RNF19B: variants seen among roughly 807,000 people sequenced by gnomAD.
The protein encoded by RNF19B is ring finger protein 19B, also known as E3 ubiquitin-protein ligase RNF19B.
In RNF19B, 23 loss-of-function variants were observed where a neutral mutation model predicts 65.5. That is an observed-to-expected ratio of 0.35 (90% CI 0.25 to 0.50). RNF19B has a LOEUF of 0.50. Ranked by LOEUF, RNF19B falls within the 20% of genes least tolerant of loss-of-function variation. The probability of loss-of-function intolerance (pLI) is 0.98; values close to 1 mark genes in which losing one functional copy is unlikely to be tolerated. For synonymous variants in RNF19B, 372 were observed against 379.6 expected (o/e 0.98, Z 0.23); for missense variants, 794 against 980.0 (o/e 0.81, Z 2.53).
intron 1 of RNF19B, 142 bp downstream of exon 1, chr1:32,963,899 ACTAGTCTGGG>A: frequency 1.6e-6 from 2 of 1,269,612 alleles, no homozygotes; most frequent in Non-Finnish European, 2.0e-6. Flanking sequence ...CGTTCACACC[ACTAGTCTGGG>A]CTTGCCTGAT....
At position 32,964,642 on chromosome 1, in the gene RNF19B, A is replaced by G; in HGVS notation, c.44T>C (p.Leu15Pro). 6.8e-7 allele frequency: 1 copy of G among 1,473,732 alleles called. No individual in the cohort carries two copies. Among genetic ancestry groups the G allele is most frequent in the Non-Finnish European group, 9.0e-7 (1 of 1,116,520 alleles). The allele number at this position is 1,473,732 out of a possible 1,614,324, so 91.3% of individuals were successfully genotyped here. A position where few individuals can be genotyped will look rare whatever the true frequency, so the allele number is the denominator to read the frequency against. The change falls in exon 1 of 9, where the codon CTA (leucine) becomes CCA (proline). Residue 15 changes from leucine (L) to proline (P), a missense_variant. This residue lies in a region of RNF19B where 374 missense variants were observed against 423.8 expected (regional missense o/e 0.88). Transcript: ENST00000235150. The surrounding 1 kb of genome is among the most constrained non-coding windows in gnomAD (Gnocchi z 6.5). ...KDSESPRSTS[L>P]HAAAPDPKCR... is the part of the protein sequence containing the mutation. ...CTTAGGGTCGGGTGCGGCCGCATGT[A>G]GCGATGTGGAGCGCGGCGACTCGGA...
At chr1:32,957,168 G>A (rs995080440) in intron 1 of RNF19B, among the ~76,000 whole-genome samples, 46 of 152,146 alleles carry the variant, frequency 3.0e-4, no homozygotes, top group African/African-American at 1.1e-3. Context: ...CACGTTTTCA[G>A]GTTGATCTCT....
At chr1:32,947,325 ATT>A (rs1557572238) in intron 3 of RNF19B, among the ~76,000 whole-genome samples, 1 of 152,232 alleles carries the variant, frequency 6.6e-6, no homozygotes, top group African/African-American at 2.4e-5. Context: ...ATTAGCAAAC[ATT>A]TTGTTTGTAA....
chr1:32,929,083 AGTCCT>A, the RNF19B span, among the ~76,000 whole-genome samples: 1 of 152,160 alleles, frequency 6.6e-6, no homozygotes, highest in Non-Finnish European at 1.5e-5. Flanking sequence ...GGAAGCTAGA[AGTCCT>A]AGATTTTGGC....
In RNF19B at chr1:32,949,587, C is replaced by A. The variant is rs1642441480; in HGVS notation, c.823G>T (p.Gly275Trp). The A allele has an allele frequency of 6.2e-7, 1 of 1,613,994 alleles. No individual in the cohort carries two copies. Among genetic ancestry groups the A allele is most frequent in the Non-Finnish European group, 8.5e-7 (1 of 1,180,010 alleles). Residue 275 changes from glycine (G) to tryptophan (W), a missense_variant, in exon 2 of 9, where the codon GGG becomes TGG. By Grantham distance (184) the Gly-to-Trp change is radical (BLOSUM62 -2). Coordinates refer to ENST00000235150, the MANE Select transcript of RNF19B (RefSeq NM_001300826.2). ...CTTATACCTGGTCCAGATTCTTGCC[C>A]ATAACTGAGACCTGAAGTGTGTTTG... ...RTKHTSGLSYGQESGPDDIKP... is the reference protein window; with the variant it reads ...RTKHTSGLSYWQESGPDDIKP...
chr1:32,936,063 T>G (rs1351330602), downstream of RNF19B, among the ~76,000 whole-genome samples: 1 of 152,194 alleles, frequency 6.6e-6, no homozygotes, highest in Non-Finnish European at 1.5e-5. Context: ...AGAATTCTCT[T>G]AAGAGCTACC....
chr1:32,938,574 C>A, intron 7 of RNF19B, 46 bp from the exon 8 acceptor site: 1 of 1,587,734 alleles, frequency 6.3e-7, no homozygotes, highest in Non-Finnish European at 8.6e-7. Flanking sequence ...CCTGGGTATT[C>A]CAAGACAGTC....
intron 5 of RNF19B, among the ~76,000 whole-genome samples, chr1:32,945,297 G>GT (rs1642340399): frequency 6.6e-6 from 1 of 152,178 alleles, no homozygotes; most frequent in African/African-American, 2.4e-5. Flanking sequence ...GCCAAATGGA[G>GT]TTCTAGGCAC....
At chr1:32,943,494 T>A (rs1642288643) in intron 6 of RNF19B, among the ~76,000 whole-genome samples, 1 of 151,838 alleles carries the variant, frequency 6.6e-6, no homozygotes, top group South Asian at 2.1e-4. Context: ...CACGTTGCTG[T>A]AGTCCCAGCT....
At chr1:32,950,819 G>A (rs961090731) in intron 1 of RNF19B, among the ~76,000 whole-genome samples, 2 of 151,502 alleles carry the variant, frequency 1.3e-5, no homozygotes, top group Middle Eastern at 3.4e-3. Context: ...TTACAGGCAT[G>A]AGCCACCATG....
chr1:32,961,261 C>G (rs1642763340), intron 1 of RNF19B, among the ~76,000 whole-genome samples: 1 of 152,194 alleles, frequency 6.6e-6, no homozygotes, highest in African/African-American at 2.4e-5. Context: ...ACTCTAGTAT[C>G]TTTGGCTTTC....
intron 7 of RNF19B, 40 bp from the exon 8 acceptor site, chr1:32,938,568 G>T: frequency 6.2e-7 from 1 of 1,600,630 alleles, no homozygotes; most frequent in Admixed American, 1.7e-5. Context: ...ATGAGACCTG[G>T]GTATTCCAAG....
the RNF19B span, among the ~76,000 whole-genome samples, chr1:32,929,450 G>T: frequency 6.6e-6 from 1 of 152,120 alleles, no homozygotes; most frequent in Non-Finnish European, 1.5e-5. Flanking sequence ...ATAACACCAT[G>T]GAAGCCTCTA....
At position 32,936,912 on chromosome 1, in the gene RNF19B, G is replaced by T; in HGVS notation, c.2090C>A (p.Thr697Asn). ...PRSHTAACPS[T>N]PRAQGAPSPS... ...GCTCGGTGCACCTTGGGCTCTGGGG[G>T]TCGAGGGGCAGGCTGCAGTATGGGA... The change falls in exon 9 of 9, where the codon ACC becomes AAC. Residue 697 changes from threonine (T) to asparagine (N), a missense_variant. Around this residue, in one of 3 missense-constraint regions of RNF19B, gnomAD observed 368 missense variants for 447.3 expected, o/e 0.82. Transcript: ENST00000235150. 6.2e-7 allele frequency: 1 copy of T among 1,614,060 alleles called. No individual in the cohort carries two copies. The highest frequency in any genetic ancestry group is 1.1e-5 in the South Asian group (1 of 91,058).
intron 7 of RNF19B, among the ~76,000 whole-genome samples, chr1:32,938,844 G>C (rs953027082): frequency 2.0e-5 from 3 of 152,142 alleles, no homozygotes; most frequent in African/African-American, 7.2e-5. Context: ...AACAGTGCCA[G>C]TGTGAATAAA....
At chr1:32,944,306 A>C in intron 5 of RNF19B, 147 bp from the exon 6 acceptor site, 1 of 780,848 alleles carries the variant, frequency 1.3e-6, no homozygotes, top group Non-Finnish European at 2.0e-6. Context: ...GGTGTAACAG[A>C]ATGATGACCA....
chr1:32,957,702 C>T (rs1266105113), intron 1 of RNF19B, among the ~76,000 whole-genome samples: 1 of 152,148 alleles, frequency 6.6e-6, no homozygotes, highest in African/African-American at 2.4e-5. Flanking sequence ...GACATTGTGG[C>T]ACATGCCTGT....
At chr1:32,946,160 T>C (rs976930329) in intron 4 of RNF19B, among the ~76,000 whole-genome samples, 2 of 152,176 alleles carry the variant, frequency 1.3e-5, no homozygotes, top group African/African-American at 2.4e-5. Flanking sequence ...ATGTGAACCA[T>C]CATGCCTGGC....
At chr1:32,939,971 C>A (rs1225324384) in intron 7 of RNF19B, among the ~76,000 whole-genome samples, 1 of 152,200 alleles carries the variant, frequency 6.6e-6, no homozygotes, top group African/African-American at 2.4e-5. Context: ...CAACCAGAGT[C>A]ATGAGATGCA....
Sources: allele counts gnomAD v4.1 joint callset (sites outside exome capture counted in the v4.1 genomes callset), GRCh38; gene constraint gnomAD v4.1.1; regional missense constraint gnomAD v4.1.1; non-coding constraint Gnocchi (gnomAD v3.1); transcripts MANE v1.5; gene names NCBI Gene and HGNC (gene_info 2026-07-23, HGNC 2026-07-21).